ROR1: variants seen among roughly 807,000 people sequenced by gnomAD.
The protein encoded by ROR1 is inactive tyrosine-protein kinase transmembrane receptor ROR1.
ROR1 carries 19 observed loss-of-function variants against 78.8 expected under a neutral mutation model. The observed-to-expected ratio is 0.24, with a 90% CI of 0.17 to 0.35. The LOEUF (loss-of-function observed/expected upper bound fraction) is 0.35. ROR1 is among the 10% of genes least tolerant of loss of function. The pLI, the probability that ROR1 is intolerant of heterozygous loss-of-function variation, is 1.00. For synonymous variants in ROR1, 386 were observed against 433.6 expected (o/e 0.89, Z 1.36); for missense variants, 917 against 1,177.8 (o/e 0.78, Z 3.24).
chr1:63,790,710 G>A (rs1247510470), intron 1 of ROR1, among the ~76,000 whole-genome samples: 4 of 152,100 alleles, frequency 2.6e-5, no homozygotes, highest in South Asian at 2.1e-4. Context: ...GCTGGCTGCC[G>A]GCCCTCAGCA....
In ROR1 at chr1:63,794,621, C is replaced by T. The variant is rs564768113; in HGVS notation, c.91+20113C>T. ...TCTCCAGCTAGACTGCTAGCAGGAC[C>T]GCAGTGATGGAATCACCTGAAGGTC... On this transcript the variant is annotated intron_variant, in intron 1 of 8. Transcript: ENST00000371079. Among the ~76,000 whole-genome samples, 29 of 152,272 alleles carry T rather than the reference C, an allele frequency of 1.9e-4. No homozygotes were observed. The South Asian group carries it at 3.9e-3, about 21-fold the overall frequency.
At chr1:63,851,394 G>A (rs1645113462) in intron 1 of ROR1, among the ~76,000 whole-genome samples, 1 of 152,134 alleles carries the variant, frequency 6.6e-6, no homozygotes, top group Non-Finnish European at 1.5e-5. Context: ...TTGACCCTTG[G>A]TGCTTTAAAA....
At position 64,090,960 on chromosome 1, in the gene ROR1, T is replaced by C. The variant is rs368566940; in HGVS notation, c.482+40244T>C. 4.6e-5 allele frequency among the ~76,000 whole-genome samples: 7 copies of C among 151,022 alleles called. No homozygotes were observed. In the East Asian group the frequency reaches 1.2e-3, roughly 25 times the overall value. Reference sequence around the variant, plus strand: ...TTTTAATGTATAATTCAAGTAATCCTCAAAGCAGCCCTAATAGTTTGGTAT... The same window carrying C: ...TTTTAATGTATAATTCAAGTAATCCCCAAAGCAGCCCTAATAGTTTGGTAT... On this transcript the variant is annotated intron_variant, in intron 4 of 8. Transcript: ENST00000371079.
intron 1 of ROR1, among the ~76,000 whole-genome samples, chr1:63,817,123 T>C (rs1339608220): frequency 6.6e-6 from 1 of 152,136 alleles, no homozygotes; most frequent in Non-Finnish European, 1.5e-5. Flanking sequence ...TATAACACAG[T>C]GGGTAGAATG....
intron 1 of ROR1, among the ~76,000 whole-genome samples, chr1:63,824,537 G>A (rs1644942401): frequency 6.6e-6 from 1 of 152,134 alleles, no homozygotes; most frequent in African/African-American, 2.4e-5. Context: ...GATCCCTGGG[G>A]TAGGGTCTCA....
intron 1 of ROR1, among the ~76,000 whole-genome samples, chr1:63,828,669 G>A (rs1256380064): frequency 6.6e-6 from 1 of 152,090 alleles, no homozygotes; most frequent in Admixed American, 6.5e-5. Flanking sequence ...TTAAACCTAA[G>A]CAACTAGATT....
At chr1:64,111,581 T>C (rs1648098317) in intron 4 of ROR1, among the ~76,000 whole-genome samples, 1 of 152,190 alleles carries the variant, frequency 6.6e-6, no homozygotes, top group African/African-American at 2.4e-5. Flanking sequence ...CAGTGATGTT[T>C]GCTGCCTTGG....
chr1:64,039,539 T>G (rs1646729271), intron 2 of ROR1, among the ~76,000 whole-genome samples: 1 of 152,200 alleles, frequency 6.6e-6, no homozygotes, highest in Non-Finnish European at 1.5e-5. Context: ...GGACTTTGTC[T>G]TTGAATGACC....
At chr1:63,924,031 G>T (rs1237325256) in intron 1 of ROR1, among the ~76,000 whole-genome samples, 2 of 152,094 alleles carry the variant, frequency 1.3e-5, no homozygotes, top group Non-Finnish European at 2.9e-5. Context: ...CATTTCATAA[G>T]ACTATAAAGC....
At chr1:64,107,478 C>T (rs12036326) in intron 4 of ROR1, among the ~76,000 whole-genome samples, 23,414 of 152,166 alleles carry the variant, frequency 0.15, 2,070 homozygotes, top group Non-Finnish European at 0.2. Flanking sequence ...CCTTTTTCAT[C>T]GTCTTTGCTG....
chr1:63,910,235 T>C (rs1207355768), intron 1 of ROR1, among the ~76,000 whole-genome samples: 2 of 152,226 alleles, frequency 1.3e-5, no homozygotes, highest in Non-Finnish European at 2.9e-5. Flanking sequence ...AAGTCAATTA[T>C]GGTGAGTTGC....
At chr1:63,959,841 A>G (rs1419209514) in intron 1 of ROR1, among the ~76,000 whole-genome samples, 2 of 152,120 alleles carry the variant, frequency 1.3e-5, no homozygotes, top group African/African-American at 2.4e-5. Flanking sequence ...ATGTCCTTCA[A>G]TAAGTCCAGA....
intron 4 of ROR1, among the ~76,000 whole-genome samples, chr1:64,061,895 C>A (rs1284524730): frequency 6.6e-6 from 1 of 152,168 alleles, no homozygotes; most frequent in Non-Finnish European, 1.5e-5. Context: ...ATGCAACTTG[C>A]TCCTAGATTC....
At chr1:63,924,423 T>C (rs1488568437) in intron 1 of ROR1, among the ~76,000 whole-genome samples, 1 of 152,092 alleles carries the variant, frequency 6.6e-6, no homozygotes, top group African/African-American at 2.4e-5. Flanking sequence ...AAGAGGGAAG[T>C]CTTTCAATGT....
At position 63,863,773 on chromosome 1, in the gene ROR1, ATTGT is replaced by A. The variant is rs1557533419; in HGVS notation, c.91+89266_91+89269del. Among the ~76,000 whole-genome samples the A allele has an allele frequency of 2.9e-3, 430 of 150,628 alleles. 3 individuals are homozygous for A. The highest frequency in any genetic ancestry group is 0.01 in the African/African-American group (414 of 40,704). On this transcript the variant is annotated intron_variant, in intron 1 of 8. Transcript: ENST00000371079. ...ATTGTATTGTATTGTATTGTATTGTATTGTATTGTATTGTATTGTATTGTATTGT... is the reference window on the plus strand; with the variant it reads ...ATTGTATTGTATTGTATTGTATTGTAATTGTATTGTATTGTATTGTATTGT...
At chr1:63,804,572 G>C (rs972497609) in intron 1 of ROR1, among the ~76,000 whole-genome samples, 10 of 152,310 alleles carry the variant, frequency 6.6e-5, no homozygotes, top group African/African-American at 2.2e-4. Flanking sequence ...ATGAGGATGA[G>C]CGTGGACATC....
rs184686071 is a variant in ROR1, at chr1:63,905,560, C to T, written c.92-103745C>T. 2.0e-4 allele frequency among the ~76,000 whole-genome samples: 31 copies of T among 152,124 alleles called. No homozygotes were observed. In the East Asian group the frequency reaches 4.8e-3, roughly 24 times the overall value. ...TTAATTGACATATAGCATGCAGAAA[C>T]GGATGTAGTTTTTAAGATAATAAAA... On this transcript the variant is annotated intron_variant, in intron 1 of 8. Coordinates refer to ENST00000371079, the MANE Select transcript of ROR1 (RefSeq NM_005012.4).
At chr1:63,943,496 C>T (rs1645857930) in intron 1 of ROR1, among the ~76,000 whole-genome samples, 1 of 152,220 alleles carries the variant, frequency 6.6e-6, no homozygotes, top group African/African-American at 2.4e-5. Flanking sequence ...ACTGGTCCCT[C>T]ACCAGTGTGG....
intron 2 of ROR1, among the ~76,000 whole-genome samples, chr1:64,019,384 T>TC (rs1486273982): frequency 6.6e-6 from 1 of 152,174 alleles, no homozygotes; most frequent in Non-Finnish European, 1.5e-5. Context: ...CTGGATTTTT[T>TC]CCCCCATCTG....
Sources: allele counts gnomAD v4.1 joint callset (sites outside exome capture counted in the v4.1 genomes callset), GRCh38; gene constraint gnomAD v4.1.1; transcripts MANE v1.5; gene names NCBI Gene and HGNC (gene_info 2026-07-23, HGNC 2026-07-21).